The following TRANK1 variants were observed in gnomAD, a reference collection of about 807,000 sequenced individuals.
TRANK1 encodes tetratricopeptide repeat and ankyrin repeat containing 1.
TRANK1 carries 198 observed loss-of-function variants against 266.0 expected under a neutral mutation model. The ratio of observed to expected loss-of-function variants is 0.74; its 90% CI spans 0.66 to 0.84. The LOEUF (loss-of-function observed/expected upper bound fraction) is 0.84, where lower values mean the gene tolerates loss of function less well. Ranked by LOEUF, TRANK1 falls within the 40% of genes least tolerant of loss-of-function variation. The pLI is 0.00. For synonymous variants in TRANK1, 1,396 were observed against 1,384.1 expected (o/e 1.01, Z -0.19); for missense variants, 3,326 against 3,634.6 (o/e 0.92, Z 2.18).
chr3:36,945,067 A>G (rs554743044), upstream of TRANK1: 4 of 437,238 alleles, frequency 9.1e-6, no homozygotes, highest in Admixed American at 1.3e-4. Context: ...GTTTCCACGT[A>G]GTTGCGAGAG....
chr3:36,909,369 G>A (rs2080019784), intron 1 of TRANK1, among the ~76,000 whole-genome samples: 2 of 152,200 alleles, frequency 1.3e-5, no homozygotes, highest in African/African-American at 4.8e-5. Flanking sequence ...GACCACATGG[G>A]GGGCCTTGGT....
intron 1 of TRANK1, among the ~76,000 whole-genome samples, chr3:36,934,575 C>T (rs1200002479): frequency 2.6e-5 from 4 of 152,198 alleles, no homozygotes; most frequent in African/African-American, 9.7e-5. Context: ...GTCCTACCCT[C>T]ACCCCGCCCT....
In TRANK1 at chr3:36,855,858, C is replaced by T; in HGVS notation, c.3864G>A (p.Trp1288Ter). The T allele has an allele frequency of 6.2e-7, 1 of 1,613,656 alleles. No homozygotes were observed. The highest frequency in any genetic ancestry group is 1.1e-5 in the South Asian group (1 of 91,074). Reference sequence around the variant, plus strand: ...CCTCAGCCTCCTCTTCATCCTCTTGCCAACTAGGAATGGTTGACTCTTCCT... The same window carrying T: ...CCTCAGCCTCCTCTTCATCCTCTTGTCAACTAGGAATGGTTGACTCTTCCT... ...SAQEESTIPSWQEDEEEAEVD... is the reference protein window; with the variant it reads ...SAQEESTIPS The change falls in exon 13 of 24, where the codon TGG becomes TGA. Residue 1288 changes from tryptophan (W) to a stop codon, truncating the protein, a stop_gained. Coordinates refer to ENST00000645898, the MANE Select transcript of TRANK1 (RefSeq NM_001329998.2). LOFTEE classifies it high-confidence loss of function.
Position 36,832,658 on chromosome 3 carries a change from C to T in TRANK1, c.6925G>A (p.Glu2309Lys). ...TTTTCAAACAGAAAGTGGATGTACT[C>T]CTTCAAAGCAAATCTGTAGAACCGG... ...SFRFYRFALKEYIHFLFENES... is the reference protein window; with the variant it reads ...SFRFYRFALKKYIHFLFENES... Residue 2309 changes from glutamate (E) to lysine (K), a missense_variant, in exon 22 of 24, where the codon GAG becomes AAG. Coordinates refer to ENST00000645898, the MANE Select transcript of TRANK1 (RefSeq NM_001329998.2). The T allele has an allele frequency of 6.2e-7, 1 of 1,613,988 alleles. No individual in the cohort carries two copies. The highest frequency in any genetic ancestry group is 8.5e-7 in the Non-Finnish European group (1 of 1,179,898).
chr3:36,844,101 A>G (rs1188807979), intron 17 of TRANK1, among the ~76,000 whole-genome samples: 1 of 152,220 alleles, frequency 6.6e-6, no homozygotes, highest in Non-Finnish European at 1.5e-5. Flanking sequence ...TTAAGACTGC[A>G]CTTTTTCTTG....
In TRANK1 at chr3:36,859,644, A is replaced by G. The variant is rs535626451; in HGVS notation, c.1496-750T>C. On this transcript the variant is annotated intron_variant, in intron 11 of 23. Transcript: ENST00000645898. The stretch of plus-strand genomic sequence containing the variant: ...GCATCAAAGTTCCCCAACCTCCACC[A>G]GAAGGCAGACCCACCCACTATAGAT... Among the ~76,000 whole-genome samples, 5 of 152,296 alleles carry G rather than the reference A, an allele frequency of 3.3e-5. No individual in the cohort carries two copies. The South Asian group carries it at 6.2e-4, about 19-fold the overall frequency.
intron 15 of TRANK1, chr3:36,850,161 C>T (rs959706475): frequency 1.0e-6 from 1 of 985,424 alleles, no homozygotes; most frequent in Non-Finnish European, 1.2e-6. Context: ...TACCCTTCCT[C>T]TTTTAGGAGA....
chr3:36,921,944 C>T (rs114524003), intron 1 of TRANK1, among the ~76,000 whole-genome samples: 1 of 152,168 alleles, frequency 6.6e-6, no homozygotes, highest in African/African-American at 2.4e-5. Flanking sequence ...GAATTCCATA[C>T]CAACCTAGGC....
At chr3:36,891,954 C>G (rs960088533) in intron 7 of TRANK1, among the ~76,000 whole-genome samples, 1 of 152,218 alleles carries the variant, frequency 6.6e-6, no homozygotes, top group Non-Finnish European at 1.5e-5. Context: ...GGGCTCCATC[C>G]TCCTGCCAGG....
At chr3:36,851,093 A>ATAGACTAGAAC (rs2078979209) in intron 15 of TRANK1, 2 of 985,430 alleles carry the variant, frequency 2.0e-6, no homozygotes, top group East Asian at 2.3e-4. Flanking sequence ...AGAAAAACCC[A>ATAGACTAGAAC]CAAGGACTCA....
chr3:36,933,213 C>T (rs1328426975), intron 1 of TRANK1, among the ~76,000 whole-genome samples: 1 of 152,182 alleles, frequency 6.6e-6, no homozygotes, highest in African/African-American at 2.4e-5. Context: ...GTTTAGCCAA[C>T]CGGGATTAGT....
intron 8 of TRANK1, among the ~76,000 whole-genome samples, chr3:36,886,124 T>C (rs71328160): frequency 1.4e-5 from 2 of 139,582 alleles, no homozygotes; most frequent in Non-Finnish European, 3.0e-5. Context: ...TTTTTTGTTG[T>C]TGTTGTTTTT....
Position 36,944,774 on chromosome 3 carries a change from C to A in TRANK1, c.23+13G>T, listed in dbSNP as rs2080549257. The A allele has an allele frequency of 2.0e-6, 3 of 1,498,368 alleles. No homozygotes were observed. Among genetic ancestry groups the A allele is most frequent in the South Asian group, 1.2e-5 (1 of 80,720 alleles). The allele number at this position is 1,498,368 out of a possible 1,614,324, so 92.8% of individuals were successfully genotyped here. On this transcript the variant is annotated intron_variant, in intron 1 of 23. Transcript: ENST00000645898. ...GCCAGAGATGCCCCAGTGCTTCCCG[C>A]GCCGCTACGCACCTAGCTGCCCGCG...
At chr3:36,895,283 A>G (rs1332596588) in intron 5 of TRANK1, among the ~76,000 whole-genome samples, 2 of 152,178 alleles carry the variant, frequency 1.3e-5, no homozygotes, top group African/African-American at 4.8e-5. Flanking sequence ...AACCCTTGTG[A>G]GCAGCCCAGA....
rs998556730 is a variant in TRANK1, at chr3:36,864,600, G to A, written c.1079-120C>T. The stretch of plus-strand genomic sequence containing the variant: ...CACATGCTGTGCAGTGTGACTTGCT[G>A]CTCCTCTCATCAAGAAGTGGAGCCT... On this transcript the variant is annotated intron_variant, in intron 9 of 23. Transcript: ENST00000645898. 11 of 906,974 alleles carry A rather than the reference G, an allele frequency of 1.2e-5. No homozygotes were observed. The African/African-American group carries it at 1.5e-4, about 13-fold the overall frequency. The allele number at this position is 906,974 out of a possible 1,614,324, so 56.2% of individuals were successfully genotyped here. A position where few individuals can be genotyped will look rare whatever the true frequency, so the allele number is the denominator to read the frequency against.
In TRANK1 at chr3:36,855,647, CAA is replaced by C; in HGVS notation, c.4073_4074del (p.Phe1358Ter). The C allele has an allele frequency of 1.2e-6, 2 of 1,613,896 alleles. No homozygotes were observed. Among genetic ancestry groups the C allele is most frequent in the Non-Finnish European group, 1.7e-6 (2 of 1,179,862 alleles). On this transcript the variant is annotated frameshift_variant, in exon 13 of 24. Transcript: ENST00000645898. LOFTEE classifies it high-confidence loss of function. ...CTCCCATGGGGACAGCTGAGGGCCTCAAAAGAACCCTTTAGAAAAGATTTTAT... is the reference window on the plus strand; with the variant it reads ...CTCCCATGGGGACAGCTGAGGGCCTCAAGAACCCTTTAGAAAAGATTTTAT... ...KEIKSFLKGS[F>X]EALSCPHGRL...
chr3:36,856,449 C>T lies in TRANK1; in HGVS notation c.3273G>A (p.Trp1091Ter). The T allele has an allele frequency of 2.5e-6, 4 of 1,614,010 alleles. No individual in the cohort carries two copies. The highest frequency in any genetic ancestry group is 3.4e-6 in the Non-Finnish European group (4 of 1,179,882). Reference protein sequence around the residue: ...GKTTCCLYRLWKKFHVYWEKA... With the variant: ...GKTTCCLYRL ...TTTCCCAGTAAACGTGGAATTTCTTCCACAATCTGTACAAGCAGCAGGTTG... is the reference window on the plus strand; with the variant it reads ...TTTCCCAGTAAACGTGGAATTTCTTTCACAATCTGTACAAGCAGCAGGTTG... Residue 1091 changes from tryptophan (W) to a stop codon, truncating the protein, a stop_gained, in exon 13 of 24, where the codon TGG becomes TGA. Transcript: ENST00000645898. LOFTEE classifies it high-confidence loss of function.
intron 17 of TRANK1, among the ~76,000 whole-genome samples, chr3:36,844,983 CTT>C (rs2078896281): frequency 6.6e-6 from 1 of 152,042 alleles, no homozygotes; most frequent in Non-Finnish European, 1.5e-5. Flanking sequence ...GATTATTTCT[CTT>C]CTCAGTTATC....
intron 9 of TRANK1, among the ~76,000 whole-genome samples, chr3:36,869,583 G>A (rs2079276370): frequency 1.3e-5 from 2 of 152,220 alleles, no homozygotes; most frequent in African/African-American, 2.4e-5. Context: ...AATGGATTAG[G>A]ATGGGGAAGG....
Sources: gnomAD v4.1 joint callset for allele counts (sites outside exome capture counted in the v4.1 genomes callset) on GRCh38, gnomAD v4.1.1 for gene constraint, MANE v1.5 for transcripts, NCBI Gene and HGNC (gene_info 2026-07-23, HGNC 2026-07-21) for gene names.